ACAP2: variants seen among roughly 807,000 people sequenced by gnomAD.
ACAP2 encodes the protein arf-GAP with coiled-coil, ANK repeat and PH domain-containing protein 2.
ACAP2 carries 39 observed loss-of-function variants against 115.8 expected under a neutral mutation model. That is an observed-to-expected ratio of 0.34 (90% CI 0.26 to 0.44). The LOEUF (loss-of-function observed/expected upper bound fraction) is 0.44. Ranked by LOEUF, ACAP2 falls within the 20% of genes least tolerant of loss-of-function variation. The probability of loss-of-function intolerance (pLI) is 1.00; values close to 1 mark genes in which losing one functional copy is unlikely to be tolerated. For synonymous variants in ACAP2, 289 were observed against 315.8 expected, an observed-to-expected ratio of 0.92 and a Z score of 0.90; for missense variants, 662 against 927.6, an observed-to-expected ratio of 0.71 and a Z score of 3.72.
At chr3:195,326,014 T>C (rs1729772837) in intron 9 of ACAP2, among the ~76,000 whole-genome samples, 1 of 152,214 alleles carries the variant, frequency 6.6e-6, no homozygotes, top group Admixed American at 6.5e-5. Flanking sequence ...CCATCATCAA[T>C]TAAATTTTTC....
chr3:195,303,630 A>G (rs537441007), intron 13 of ACAP2, among the ~76,000 whole-genome samples: 131 of 152,198 alleles, frequency 8.6e-4, no homozygotes, highest in African/African-American at 3.0e-3. Context: ...TAAGCTAGAC[A>G]TGGTGGTAAG....
intron 1 of ACAP2, among the ~76,000 whole-genome samples, chr3:195,412,540 A>G (rs1456357585): frequency 6.6e-6 from 1 of 152,100 alleles, no homozygotes; most frequent in Non-Finnish European, 1.5e-5. Context: ...TGAACCCGGG[A>G]GGCGGAGGTT....
At chr3:195,355,352 A>G (rs532803523) in intron 4 of ACAP2, among the ~76,000 whole-genome samples, 1 of 129,300 alleles carries the variant, frequency 7.7e-6, no homozygotes, top group East Asian at 2.3e-4. Flanking sequence ...ACTCTTTTCT[A>G]TATTAAACTG....
chr3:195,348,132 T>G (rs1400779122), intron 4 of ACAP2, among the ~76,000 whole-genome samples: 1 of 151,324 alleles, frequency 6.6e-6, no homozygotes, highest in Non-Finnish European at 1.5e-5. Flanking sequence ...TTAAATGCAT[T>G]AATAATATTG....
rs1346407542 is a variant in ACAP2 at position 195,334,809 on chromosome 3, C to T, written c.574-1686G>A. Among the ~76,000 whole-genome samples, 3 of 152,054 alleles carry T rather than the reference C, an allele frequency of 2.0e-5. No homozygotes were observed. In the East Asian group the frequency reaches 5.8e-4, roughly 29 times the overall value. On this transcript the variant is annotated intron_variant, in intron 7 of 22. Transcript: ENST00000326793. ...ATGATATTTTTCTAAAGCCTTAATCCTTTGACTATGTAATCTCTTGTTTAT... is the reference window on the plus strand; with the variant it reads ...ATGATATTTTTCTAAAGCCTTAATCTTTTGACTATGTAATCTCTTGTTTAT...
rs112341402 is a variant in ACAP2 at position 195,428,186 on chromosome 3, T to C, written c.53+14609A>G. ...TGACTGGAATGTGACTGTATATATA[T>C]ACATACATGTATACATATATAGTCA... On this transcript the variant is annotated intron_variant, in intron 1 of 22. Coordinates refer to ENST00000326793, the MANE Select transcript of ACAP2 (RefSeq NM_012287.6). 2.2e-4 allele frequency among the ~76,000 whole-genome samples: 33 copies of C among 151,654 alleles called. 1 individual carries two copies. Among genetic ancestry groups the C allele is most frequent in the African/African-American group, 8.0e-4 (33 of 41,372 alleles).
At chr3:195,384,189 A>G (rs1734136600) in intron 2 of ACAP2, among the ~76,000 whole-genome samples, 3 of 152,236 alleles carry the variant, frequency 2.0e-5, no homozygotes, top group Admixed American at 2.0e-4. Flanking sequence ...TCACTGCGGT[A>G]ACAGTAAAAT....
chr3:195,281,761 AAGAT>A (rs757239818), intron 22 of ACAP2, among the ~76,000 whole-genome samples: 4 of 152,240 alleles, frequency 2.6e-5, no homozygotes, highest in Non-Finnish European at 5.9e-5. Flanking sequence ...ACCATTCTAA[AAGAT>A]AGAAAATAAA....
chr3:195,317,565 C>A (rs1323483820), intron 10 of ACAP2, among the ~76,000 whole-genome samples: 12 of 152,090 alleles, frequency 7.9e-5, no homozygotes, highest in Admixed American at 7.9e-4. Flanking sequence ...CTGCGACAAC[C>A]AATCTTTTGG....
chr3:195,296,520 G>A (rs1228042588), intron 16 of ACAP2, among the ~76,000 whole-genome samples: 1 of 152,104 alleles, frequency 6.6e-6, no homozygotes, highest in East Asian at 1.9e-4. Context: ...AAATAATTAA[G>A]ATTCTGATTT....
chr3:195,433,873 T>C lies in ACAP2; in HGVS notation c.53+8922A>G, dbSNP rs114138027. ...AGTACTTTCGTCAAAGATTTTTGTA[T>C]CTGCATTCATAAGGAATACTGGTCT... On this transcript the variant is annotated intron_variant, in intron 1 of 22. Coordinates refer to ENST00000326793, the MANE Select transcript of ACAP2 (RefSeq NM_012287.6). 8.6e-4 allele frequency among the ~76,000 whole-genome samples: 131 copies of C among 152,340 alleles called. 1 individual carries two copies. Among genetic ancestry groups the C allele is most frequent in the African/African-American group, 3.0e-3 (123 of 41,580 alleles).
intron 10 of ACAP2, among the ~76,000 whole-genome samples, chr3:195,310,390 G>A (rs1344658948): frequency 6.6e-6 from 1 of 152,154 alleles, no homozygotes; most frequent in Non-Finnish European, 1.5e-5. Flanking sequence ...ACAGATAGTT[G>A]GTTAGAAATG....
At chr3:195,409,472 C>T (rs1457714994) in intron 1 of ACAP2, among the ~76,000 whole-genome samples, 1 of 151,932 alleles carries the variant, frequency 6.6e-6, no homozygotes, top group Non-Finnish European at 1.5e-5. Context: ...GGAAACATAT[C>T]CCATGTTAAT....
intron 1 of ACAP2, among the ~76,000 whole-genome samples, chr3:195,422,064 C>T (rs754123401): frequency 2.0e-5 from 3 of 151,536 alleles, no homozygotes; most frequent in Non-Finnish European, 2.9e-5. Flanking sequence ...TTTTGTGTAT[C>T]GAAAAAAAAT....
At chr3:195,396,812 A>AAG (rs1237902251) in intron 1 of ACAP2, among the ~76,000 whole-genome samples, 1 of 149,784 alleles carries the variant, frequency 6.7e-6, no homozygotes, top group Non-Finnish European at 1.5e-5. Context: ...AAAAAAAAAA[A>AAG]AAGAAGAAGT....
In ACAP2 at chr3:195,326,872, TC is replaced by T; in HGVS notation, c.744+12del. ...TAAAGTGGAATTAATTTTTAATTTT[TC>T]CCCTGAGGTACCTTTTGTTGAATGG... On this transcript the variant is annotated intron_variant, in intron 9 of 22. Transcript: ENST00000326793. 1 of 1,613,436 alleles carries T rather than the reference TC, an allele frequency of 6.2e-7. No homozygotes were observed. The highest frequency in any genetic ancestry group is 8.5e-7 in the Non-Finnish European group (1 of 1,179,498).
At chr3:195,297,449 G>A (rs547628690) in intron 15 of ACAP2, among the ~76,000 whole-genome samples, 168 bp from the exon 16 acceptor site, 50 of 152,296 alleles carry the variant, frequency 3.3e-4, no homozygotes, top group African/African-American at 1.2e-3. Flanking sequence ...GACAAGAACT[G>A]AGAGTAATAT....
At chr3:195,397,504 TATA>T (rs1560327161) in intron 1 of ACAP2, among the ~76,000 whole-genome samples, 1 of 152,188 alleles carries the variant, frequency 6.6e-6, no homozygotes, top group African/African-American at 2.4e-5. Flanking sequence ...TAAATACTTT[TATA>T]ATGTGAATGG....
chr3:195,357,824 T>C (rs113724595), intron 4 of ACAP2: 3,270 of 152,466 alleles, frequency 0.021, 114 homozygotes, highest in East Asian at 0.1. Flanking sequence ...CAGTTCTGCA[T>C]GGCTGGGGAG....
Sources: gnomAD v4.1 joint callset for allele counts (sites outside exome capture counted in the v4.1 genomes callset) on GRCh38, gnomAD v4.1.1 for gene constraint, MANE v1.5 for transcripts, NCBI Gene and HGNC (gene_info 2026-07-23, HGNC 2026-07-21) for gene names.